The following ARHGAP28 variants were observed in gnomAD, a reference collection of about 807,000 sequenced individuals.
ARHGAP28 encodes rho GTPase-activating protein 28.
Under a neutral mutation model 90.7 loss-of-function variants are expected in ARHGAP28, and 56 were observed. The ratio of observed to expected loss-of-function variants is 0.62; its 90% CI spans 0.50 to 0.77. ARHGAP28 has a LOEUF of 0.77. ARHGAP28 is among the 30% of genes least tolerant of loss of function. ARHGAP28 has a pLI of 0.00. For missense variants in ARHGAP28, 869 were observed against 900.9 expected, an observed-to-expected ratio of 0.96 and a Z score of 0.45; for synonymous variants, 308 against 323.3, an observed-to-expected ratio of 0.95 and a Z score of 0.51.
intron 3 of ARHGAP28, among the ~76,000 whole-genome samples, chr18:6,841,194 T>TCCCCTCTC (rs1482711465): frequency 1.6e-5 from 1 of 64,190 alleles, no homozygotes; most frequent in African/African-American, 8.3e-5. Context: ...TCTCTCTCTC[T>TCCCCTCTC]CTCTCTCTCC....
At chr18:6,884,454 G>A (rs1019810131) in intron 11 of ARHGAP28, among the ~76,000 whole-genome samples, 1 of 152,206 alleles carries the variant, frequency 6.6e-6, no homozygotes, top group Non-Finnish European at 1.5e-5. Flanking sequence ...TTGAGAATGG[G>A]TTACACTTTC....
intron 1 of ARHGAP28, among the ~76,000 whole-genome samples, chr18:6,734,886 G>A (rs1165061034): frequency 6.6e-6 from 1 of 152,202 alleles, no homozygotes. Flanking sequence ...TGAAATCAGA[G>A]TTGGTGTCTC....
intron 1 of ARHGAP28, among the ~76,000 whole-genome samples, chr18:6,739,534 A>T (rs2055956801): frequency 6.6e-6 from 1 of 150,846 alleles, no homozygotes; most frequent in African/African-American, 2.4e-5. Flanking sequence ...TATATATATA[A>T]ACATATATTC....
chr18:6,735,227 T>C (rs1381322624), intron 1 of ARHGAP28, among the ~76,000 whole-genome samples: 1 of 152,210 alleles, frequency 6.6e-6, no homozygotes, highest in East Asian at 1.9e-4. Flanking sequence ...CTGCGTAACC[T>C]TTACCCAGAT....
intron 1 of ARHGAP28, chr18:6,754,663 G>A (rs958904752): frequency 6.6e-6 from 1 of 152,150 alleles, no homozygotes; most frequent in Admixed American, 6.5e-5. Context: ...AGATAGGACA[G>A]GAATTTTCTC....
chr18:6,825,617 CT>C (rs1446862476), intron 2 of ARHGAP28, among the ~76,000 whole-genome samples: 2 of 152,166 alleles, frequency 1.3e-5, no homozygotes, highest in Non-Finnish European at 2.9e-5. Context: ...TACCTCCCCC[CT>C]CTAGTAGTCT....
chr18:6,882,310 G>GGCATTC lies in ARHGAP28; in HGVS notation c.1453+11_1453+12insGCATTC. On this transcript the variant is annotated intron_variant, in intron 11 of 17. Transcript: ENST00000383472. ...TCAGTCTAATGGAAAGTAGGTGGAAGACGTTATATGTGAATACGCTAAGAT... is the reference window on the plus strand; with the variant it reads ...TCAGTCTAATGGAAAGTAGGTGGAAGGCATTCACGTTATATGTGAATACGCTAAGAT... The GGCATTC allele has an allele frequency of 6.2e-7, 1 of 1,606,466 alleles. No individual in the cohort carries two copies. The highest frequency in any genetic ancestry group is 1.1e-5 in the South Asian group (1 of 89,424).
Position 6,748,500 on chromosome 18 carries a change from G to C in ARHGAP28, c.122+18557G>C, listed in dbSNP as rs115482576. The stretch of plus-strand genomic sequence containing the variant: ...GTCTCCTTGAATCAGGACACTTCTG[G>C]GCAGCATTGCCATGATGGGCAACTT... On this transcript the variant is annotated intron_variant, in intron 1 of 17. Coordinates refer to ENST00000383472, the MANE Select transcript of ARHGAP28 (RefSeq NM_001366230.1). 2.4e-3 allele frequency among the ~76,000 whole-genome samples: 368 copies of C among 152,262 alleles called. 1 individual carries two copies. The highest frequency in any genetic ancestry group is 8.5e-3 in the African/African-American group (354 of 41,554).
intron 3 of ARHGAP28, among the ~76,000 whole-genome samples, chr18:6,843,012 A>T (rs1176916206): frequency 6.6e-6 from 1 of 152,244 alleles, no homozygotes; most frequent in Non-Finnish European, 1.5e-5. Flanking sequence ...AAAGACATGT[A>T]CATATGGTAT....
intron 1 of ARHGAP28, among the ~76,000 whole-genome samples, chr18:6,753,103 G>GCGAGGA (rs1399431164): frequency 6.6e-6 from 1 of 152,110 alleles, no homozygotes; most frequent in East Asian, 1.9e-4. Context: ...GATGTAATTT[G>GCGAGGA]CGAGGAGGGA....
chr18:6,811,309 T>C (rs78662657), intron 1 of ARHGAP28, among the ~76,000 whole-genome samples: 247 of 152,276 alleles, frequency 1.6e-3, no homozygotes, highest in African/African-American at 4.4e-3. Context: ...ATGAACATTA[T>C]TAATAACTAA....
intron 12 of ARHGAP28, 53 bp from the exon 13 acceptor site, chr18:6,889,835 A>G: frequency 6.5e-7 from 1 of 1,540,840 alleles, no homozygotes. Flanking sequence ...GATAGCAATC[A>G]GGGGCACTTT....
At chr18:6,746,720 A>G (rs1209963392) in intron 1 of ARHGAP28, among the ~76,000 whole-genome samples, 5 of 152,224 alleles carry the variant, frequency 3.3e-5, no homozygotes, top group Non-Finnish European at 4.4e-5. Flanking sequence ...ATTCTGATGG[A>G]TATGAGTCAC....
intron 12 of ARHGAP28, among the ~76,000 whole-genome samples, chr18:6,887,925 A>G (rs1875949414): frequency 6.6e-6 from 1 of 152,240 alleles, no homozygotes. Flanking sequence ...AACTACTCAC[A>G]TTAGTCTGGT....
intron 16 of ARHGAP28, chr18:6,898,441 T>C (rs776988571): frequency 6.4e-7 from 1 of 1,555,602 alleles, no homozygotes; most frequent in East Asian, 2.2e-5. Context: ...CCAAGAATAC[T>C]GCACTGGCAG....
chr18:6,767,884 A>G (rs952813723), intron 1 of ARHGAP28, among the ~76,000 whole-genome samples: 3 of 152,026 alleles, frequency 2.0e-5, no homozygotes, highest in Admixed American at 6.5e-5. Flanking sequence ...TTCAGCCACT[A>G]TTTCTTTAAA....
chr18:6,911,906 T>C (rs1567992098), intron 17 of ARHGAP28, among the ~76,000 whole-genome samples, 154 bp from the exon 18 acceptor site: 3 of 151,348 alleles, frequency 2.0e-5, no homozygotes, highest in African/African-American at 7.3e-5. Flanking sequence ...GGAAGAAGAG[T>C]TTGTTAAGAA....
At chr18:6,858,067 G>A (rs2056968068) in intron 4 of ARHGAP28, among the ~76,000 whole-genome samples, 4 of 152,110 alleles carry the variant, frequency 2.6e-5, no homozygotes, top group Admixed American at 2.6e-4. Context: ...GTGGCATCTG[G>A]AGTTCCTTCT....
At chr18:6,873,273 G>T in intron 7 of ARHGAP28, 136 bp from the exon 8 acceptor site, 1 of 701,168 alleles carries the variant, frequency 1.4e-6, no homozygotes, top group Non-Finnish European at 2.4e-6. Flanking sequence ...TTTCTAGGAT[G>T]CAGCATGCTC....
Sources: gnomAD v4.1 joint callset for allele counts (sites outside exome capture counted in the v4.1 genomes callset) on GRCh38, gnomAD v4.1.1 for gene constraint, MANE v1.5 for transcripts, NCBI Gene and HGNC (gene_info 2026-07-23, HGNC 2026-07-21) for gene names.